The following TAFA2 variants were observed in gnomAD, a reference collection of about 807,000 sequenced individuals.
TAFA2 encodes chemokine-like protein TAFA-2.
TAFA2 carries 7 observed loss-of-function variants against 18.8 expected under a neutral mutation model. The ratio of observed to expected loss-of-function variants is 0.37; its 90% confidence interval spans 0.21 to 0.70. TAFA2 has a LOEUF of 0.70. Among genes scored for constraint, TAFA2 ranks in the 30% least tolerant of loss-of-function variants. The pLI is 0.53. For synonymous variants in TAFA2, 60 were observed against 54.2 expected (o/e 1.11, Z -0.47); for missense variants, 122 against 158.1 (o/e 0.77, Z 1.23).
At chr12:62,211,985 C>A (rs1007987236) in intron 1 of TAFA2, among the ~76,000 whole-genome samples, 11 of 152,152 alleles carry the variant, frequency 7.2e-5, no homozygotes, top group African/African-American at 2.7e-4. Flanking sequence ...TAAATACATC[C>A]CAAAAGTCAA....
intron 1 of TAFA2, among the ~76,000 whole-genome samples, chr12:62,249,840 A>T (rs950136722): frequency 1.3e-5 from 2 of 152,170 alleles, no homozygotes; most frequent in Non-Finnish European, 2.9e-5. Context: ...ATTCAGACAA[A>T]GAGCCCTGAA....
At chr12:61,955,559 G>T (rs1465887035) in intron 1 of TAFA2, among the ~76,000 whole-genome samples, 3 of 115,964 alleles carry the variant, frequency 2.6e-5, no homozygotes, top group African/African-American at 9.9e-5. Context: ...CTAAGATCAC[G>T]CCACTGCACT....
chr12:61,884,560 G>A lies in TAFA2; in HGVS notation c.-1-17134C>T, dbSNP rs188605426. ...TGCATTGCATTTCTCAGAATTTATC[G>A]TTAATCCAGCTATCTTAAAAACTAG... On this transcript the variant is annotated intron_variant, in intron 1 of 4. Coordinates refer to ENST00000416284, the MANE Select transcript of TAFA2 (RefSeq NM_178539.5). 1.6e-4 allele frequency among the ~76,000 whole-genome samples: 25 copies of A among 152,178 alleles called. No homozygotes were observed. In the Middle Eastern group the frequency reaches 0.02, roughly 124 times the overall value.
At chr12:62,160,911 C>T (rs1393664880) in intron 1 of TAFA2, among the ~76,000 whole-genome samples, 4 of 151,848 alleles carry the variant, frequency 2.6e-5, no homozygotes, top group African/African-American at 9.7e-5. Flanking sequence ...ACTCCAGCCA[C>T]CCAAGACTCC....
chr12:61,969,407 T>A lies in TAFA2; in HGVS notation c.-1-101981A>T, dbSNP rs1293251388. 2.6e-5 allele frequency among the ~76,000 whole-genome samples: 4 copies of A among 151,620 alleles called. No individual in the cohort carries two copies. The Admixed American group carries it at 2.6e-4, about 10-fold the overall frequency. ...AGACATATTAAATAACTAAAAAGAA[T>A]CCTGACTCGGTTTCTGACCATTAAA... On this transcript the variant is annotated intron_variant, in intron 1 of 4. Transcript: ENST00000416284.
chr12:62,173,265 A>T (rs1334405951), intron 1 of TAFA2, among the ~76,000 whole-genome samples: 1 of 152,050 alleles, frequency 6.6e-6, no homozygotes, highest in East Asian at 1.9e-4. Context: ...ATACGAAAAA[A>T]ATTAGCTGCA....
chr12:61,712,939 G>C (rs1232454032), intron 4 of TAFA2, among the ~76,000 whole-genome samples: 5 of 152,048 alleles, frequency 3.3e-5, no homozygotes, highest in Non-Finnish European at 7.4e-5. Flanking sequence ...TTAACACCTA[G>C]CTTTGTCAAC....
intron 4 of TAFA2, among the ~76,000 whole-genome samples, chr12:61,730,536 G>A (rs1870392126): frequency 6.6e-6 from 1 of 152,040 alleles, no homozygotes; most frequent in South Asian, 2.1e-4. Flanking sequence ...TCAAGTGGGT[G>A]CAGGGTTAGG....
At chr12:61,905,121 C>CAGTATTATTCTATTTTGT (rs1239769715) in intron 1 of TAFA2, among the ~76,000 whole-genome samples, 3 of 152,090 alleles carry the variant, frequency 2.0e-5, no homozygotes, top group African/African-American at 7.2e-5. Context: ...TATGACCAAA[C>CAGTATTATTCTATTTTGT]AGTATTATTC....
chr12:62,048,163 G>A (rs9669052), intron 1 of TAFA2, among the ~76,000 whole-genome samples: 53,814 of 152,006 alleles, frequency 0.35, 9,900 homozygotes, highest in Middle Eastern at 0.5. Flanking sequence ...AGAACTGCCC[G>A]AGACTGAGTG....
chr12:61,788,616 C>A lies in TAFA2; in HGVS notation c.107-33592G>T, dbSNP rs183396359. 2.9e-3 allele frequency among the ~76,000 whole-genome samples: 435 copies of A among 151,574 alleles called. 3 individuals are homozygous for A. The highest frequency in any genetic ancestry group is 4.6e-3 in the Non-Finnish European group (315 of 67,748). The stretch of plus-strand genomic sequence containing the variant: ...TACAAAACATCAACGGAATAAAGAA[C>A]TGGGTTTTTAAAAAGATAAACAAAA... On this transcript the variant is annotated intron_variant, in intron 2 of 4. Coordinates refer to ENST00000416284, the MANE Select transcript of TAFA2 (RefSeq NM_178539.5).
chr12:61,710,269 A>G lies in TAFA2; in HGVS notation c.*137T>C, dbSNP rs1006401645. ...GTCTTGATTTCAAGAAGAGGCCATG[A>G]AATCCCTTGGAAATAGACTATTGAG... On this transcript the variant is annotated 3_prime_UTR_variant, in exon 5 of 5. Coordinates refer to ENST00000416284, the MANE Select transcript of TAFA2 (RefSeq NM_178539.5). 2.8e-5 allele frequency: 21 copies of G among 744,528 alleles called. No homozygotes were observed. The highest frequency in any genetic ancestry group is 4.8e-5 in the Non-Finnish European group (21 of 433,602). 46.1% of individuals were successfully genotyped at this position (744,528 alleles called of 1,614,324 possible).
chr12:61,804,644 G>A (rs1338231489), intron 2 of TAFA2, among the ~76,000 whole-genome samples: 1 of 152,142 alleles, frequency 6.6e-6, no homozygotes, highest in Admixed American at 6.5e-5. Flanking sequence ...TATGAAACAA[G>A]TTTCTACAGC....
chr12:62,258,451 A>C (rs1457122283), intron 1 of TAFA2: 2 of 152,722 alleles, frequency 1.3e-5, no homozygotes, highest in African/African-American at 4.8e-5. Context: ...TTAGGGTATA[A>C]ATGATTTATT....
At chr12:62,239,131 C>T (rs2062850631) in intron 1 of TAFA2, among the ~76,000 whole-genome samples, 2 of 152,160 alleles carry the variant, frequency 1.3e-5, no homozygotes, top group African/African-American at 4.8e-5. Flanking sequence ...TTTCTACCTC[C>T]AGAGTTTTCT....
intron 1 of TAFA2, among the ~76,000 whole-genome samples, chr12:62,011,954 T>C (rs1299358885): frequency 1.3e-5 from 2 of 152,162 alleles, no homozygotes; most frequent in African/African-American, 4.8e-5. Flanking sequence ...GCTAAGTAAA[T>C]CATAAGCACT....
At chr12:61,714,449 T>C (rs1869555272) in intron 4 of TAFA2, among the ~76,000 whole-genome samples, 2 of 152,148 alleles carry the variant, frequency 1.3e-5, no homozygotes, top group Non-Finnish European at 2.9e-5. Flanking sequence ...GCTAATCTGG[T>C]AACATTAAGC....
At chr12:61,917,170 C>G (rs1876855622) in intron 1 of TAFA2, among the ~76,000 whole-genome samples, 1 of 152,156 alleles carries the variant, frequency 6.6e-6, no homozygotes, top group Non-Finnish European at 1.5e-5. Flanking sequence ...CTTGACAGCA[C>G]AGATCTGAAG....
chr12:61,873,580 C>T (rs1874714660), intron 1 of TAFA2, among the ~76,000 whole-genome samples: 1 of 152,056 alleles, frequency 6.6e-6, no homozygotes, highest in African/African-American at 2.4e-5. Context: ...AAGCATTCTA[C>T]AAGTATAAAC....
Sources: allele counts gnomAD v4.1 joint callset (sites outside exome capture counted in the v4.1 genomes callset), GRCh38; gene constraint gnomAD v4.1.1; transcripts MANE v1.5; gene names NCBI Gene and HGNC (gene_info 2026-07-23, HGNC 2026-07-21).